The following DIS3L2 variants were observed in gnomAD, a reference collection of about 807,000 sequenced individuals.
The protein encoded by DIS3L2 is DIS3-like exonuclease 2.
A neutral mutation model predicts 97.5 loss-of-function variants in DIS3L2; 34 were observed. The ratio of observed to expected loss-of-function variants is 0.35; its 90% CI spans 0.27 to 0.46. DIS3L2 has a LOEUF of 0.46. Ranked by LOEUF, DIS3L2 falls within the 20% of genes least tolerant of loss-of-function variation. The pLI, the probability that DIS3L2 is intolerant of heterozygous loss-of-function variation, is 1.00. For missense variants in DIS3L2, 1,038 were observed against 1,146.0 expected (o/e 0.91, Z 1.36); for synonymous variants, 435 against 445.2 (o/e 0.98, Z 0.29).
At chr2:232,170,930 T>G (rs1242757627) in intron 9 of DIS3L2, among the ~76,000 whole-genome samples, 1 of 152,198 alleles carries the variant, frequency 6.6e-6, no homozygotes, top group Non-Finnish European at 1.5e-5. Flanking sequence ...AACCCTTTTG[T>G]GGGAAAGCTT....
intron 9 of DIS3L2, among the ~76,000 whole-genome samples, chr2:232,167,974 G>A (rs965254782): frequency 1.3e-5 from 2 of 152,074 alleles, no homozygotes; most frequent in African/African-American, 2.4e-5. Context: ...GCTTGAACCC[G>A]GAGGCAGAGG....
intron 14 of DIS3L2, among the ~76,000 whole-genome samples, chr2:232,301,871 G>A (rs1694866144): frequency 8.1e-6 from 1 of 122,728 alleles, no homozygotes; most frequent in African/African-American, 3.1e-5. Context: ...TAGAAACAGT[G>A]TCTCATGATG....
At chr2:232,162,549 A>G (rs1370321360) in intron 8 of DIS3L2, among the ~76,000 whole-genome samples, 1 of 152,272 alleles carries the variant, frequency 6.6e-6, no homozygotes, top group Non-Finnish European at 1.5e-5. Flanking sequence ...GAAATCGAAT[A>G]GCCTGAGAGA....
intron 5 of DIS3L2, among the ~76,000 whole-genome samples, chr2:232,059,883 A>G (rs1443312161): frequency 2.0e-5 from 3 of 152,094 alleles, no homozygotes; most frequent in African/African-American, 7.2e-5. Context: ...CCAGTCCAAT[A>G]TTGGACTGGG....
chr2:232,081,162 A>G (rs1696379328), intron 5 of DIS3L2, among the ~76,000 whole-genome samples: 1 of 151,988 alleles, frequency 6.6e-6, no homozygotes. Context: ...AATTTTGGGG[A>G]AAAAAATACT....
At chr2:232,045,712 T>C (rs1177468528) in intron 5 of DIS3L2, among the ~76,000 whole-genome samples, 1 of 148,444 alleles carries the variant, frequency 6.7e-6, no homozygotes, top group African/African-American at 2.5e-5. Context: ...TCTCGCTCTG[T>C]TGCCCAGGCT....
At chr2:232,066,341 A>T (rs1695856703) in intron 5 of DIS3L2, among the ~76,000 whole-genome samples, 1 of 152,028 alleles carries the variant, frequency 6.6e-6, no homozygotes, top group African/African-American at 2.4e-5. Flanking sequence ...CATGAATAGA[A>T]GTTGAATTAT....
intron 16 of DIS3L2, among the ~76,000 whole-genome samples, chr2:232,333,080 C>T (rs545989595): frequency 1.3e-5 from 2 of 151,866 alleles, no homozygotes; most frequent in South Asian, 2.1e-4. Context: ...CCAACAAAAC[C>T]GCAGGCGGCC....
intron 9 of DIS3L2, among the ~76,000 whole-genome samples, chr2:232,185,164 C>T (rs142132292): frequency 4.6e-4 from 70 of 152,264 alleles, no homozygotes; most frequent in African/African-American, 1.5e-3. Context: ...ATAAAGTGAT[C>T]ATGGAATATT....
intron 5 of DIS3L2, among the ~76,000 whole-genome samples, chr2:232,033,864 G>A (rs1694879750): frequency 6.6e-6 from 1 of 152,148 alleles, no homozygotes; most frequent in African/African-American, 2.4e-5. Flanking sequence ...GCTGGATTTG[G>A]TTTGCTAGTA....
At chr2:231,990,286 G>A (rs1467825529) in intron 1 of DIS3L2, among the ~76,000 whole-genome samples, 1 of 151,936 alleles carries the variant, frequency 6.6e-6, no homozygotes, top group Non-Finnish European at 1.5e-5. Context: ...ATGGAGAGTG[G>A]TTTCTTATTG....
chr2:232,071,216 C>T (rs1433505898), intron 5 of DIS3L2, among the ~76,000 whole-genome samples: 1 of 152,114 alleles, frequency 6.6e-6, no homozygotes, highest in Non-Finnish European at 1.5e-5. Context: ...TCCTGCTGTT[C>T]TGAGTTGTTA....
At chr2:231,980,862 T>C (rs1051692717) in intron 1 of DIS3L2, among the ~76,000 whole-genome samples, 2 of 152,206 alleles carry the variant, frequency 1.3e-5, no homozygotes, top group African/African-American at 4.8e-5. Context: ...GTCCCTTTTA[T>C]GTTTTCAGGT....
At chr2:232,330,664 C>T in intron 15 of DIS3L2, 26 bp from the exon 16 acceptor site, 1 of 1,613,246 alleles carries the variant, frequency 6.2e-7, no homozygotes, top group Non-Finnish European at 8.5e-7. Context: ...CCACACGTCA[C>T]ATAGGTTTCT....
rs368850409 is a variant in DIS3L2 at position 232,334,440 on chromosome 2, A to G, written c.2230A>G (p.Met744Val). Reference sequence around the variant, plus strand: ...GGCGGACCACTGTAACGACCGCCGCATGGCGTCCAAGCGCGTGCAGGAGCT... The same window carrying G: ...GGCGGACCACTGTAACGACCGCCGCGTGGCGTCCAAGCGCGTGCAGGAGCT... The part of the protein sequence containing the change: ...KQADHCNDRR[M>V]ASKRVQELST... Residue 744 changes from methionine to valine, a missense_variant, in exon 18 of 21, where the codon ATG becomes GTG. Met to Val is a conservative substitution (Grantham distance 21). Transcript: ENST00000325385. The G allele has an allele frequency of 4.3e-6, 7 of 1,613,760 alleles. No homozygotes were observed. The highest frequency in any genetic ancestry group is 1.7e-5 in the Admixed American group (1 of 60,000).
chr2:232,094,632 T>C (rs1696948886), intron 6 of DIS3L2, among the ~76,000 whole-genome samples: 1 of 150,288 alleles, frequency 6.7e-6, no homozygotes, highest in Non-Finnish European at 1.5e-5. Flanking sequence ...AGTGGGAGGA[T>C]TGCTTGAACC....
intron 11 of DIS3L2, among the ~76,000 whole-genome samples, chr2:232,244,645 G>T (rs1345969043): frequency 2.0e-5 from 3 of 152,224 alleles, no homozygotes; most frequent in Non-Finnish European, 4.4e-5. Context: ...GGGCCTGGGA[G>T]AAATTGGCCA....
intron 1 of DIS3L2, among the ~76,000 whole-genome samples, chr2:231,988,358 G>A (rs752458748): frequency 3.3e-5 from 5 of 152,184 alleles, no homozygotes; most frequent in Non-Finnish European, 2.9e-5. Context: ...CTAGAGTGAG[G>A]GTTGTCTTTG....
rs2106221571 is a variant in DIS3L2, at chr2:232,015,545, T to G, written c.84T>G (p.Ile28Met). ...CTGCTGTGGCTGGTCCACATGACAT[T>G]GGTGCTTCGCCAGGTGACAAAAAGT... ...GVSAVAGPHD[I>M]GASPGDKKSK... The change falls in exon 3 of 21, where the codon ATT becomes ATG. Residue 28 changes from isoleucine to methionine, a missense_variant. Ile to Met is a conservative substitution (Grantham distance 10). Transcript: ENST00000325385. The G allele has an allele frequency of 6.2e-7, 1 of 1,614,072 alleles. No individual in the cohort carries two copies. The highest frequency in any genetic ancestry group is 8.5e-7 in the Non-Finnish European group (1 of 1,179,958).
Sources: gnomAD v4.1 joint callset for allele counts (sites outside exome capture counted in the v4.1 genomes callset) on GRCh38, gnomAD v4.1.1 for gene constraint, MANE v1.5 for transcripts, NCBI Gene and HGNC (gene_info 2026-07-23, HGNC 2026-07-21) for gene names.